Variants in MYO1H observed in about 807,000 individuals in gnomAD.
The protein encoded by MYO1H is unconventional myosin-Ih.
Under a neutral mutation model 149.3 loss-of-function variants are expected in MYO1H, and 118 were observed. That is an observed-to-expected ratio of 0.79 (90% confidence interval 0.68 to 0.92). The LOEUF (loss-of-function observed/expected upper bound fraction) is 0.92. Among genes scored for constraint, MYO1H ranks in the 40% least tolerant of loss-of-function variants. The pLI is 0.00. For synonymous variants in MYO1H, 447 were observed against 465.2 expected (o/e 0.96, Z 0.50); for missense variants, 1,212 against 1,280.7 (o/e 0.95, Z 0.82).
In MYO1H at chr12:109,387,903, G is replaced by A. The variant is rs139959537; in HGVS notation, c.13-780G>A. On this transcript the variant is annotated intron_variant, in intron 1 of 31. Transcript: ENST00000310903. Reference sequence around the variant, plus strand: ...CCTCCATGGTCTCCCATCCAGCAGCGCGGGTGCTCAGGAAGGTCATGCCTG... The same window carrying A: ...CCTCCATGGTCTCCCATCCAGCAGCACGGGTGCTCAGGAAGGTCATGCCTG... Among the ~76,000 whole-genome samples the A allele has an allele frequency of 1.5e-3, 221 of 152,272 alleles. 3 individuals carry two copies. Among genetic ancestry groups the A allele is most frequent in the African/African-American group, 4.3e-3 (177 of 41,570 alleles).
intron 1 of MYO1H, among the ~76,000 whole-genome samples, chr12:109,371,276 T>C (rs1868979201): frequency 6.8e-6 from 1 of 147,986 alleles, no homozygotes. Context: ...AGTACAGTGG[T>C]GCAGTTATGA....
At chr12:109,417,156 G>A (rs1417018233) in intron 15 of MYO1H, among the ~76,000 whole-genome samples, 1 of 152,136 alleles carries the variant, frequency 6.6e-6, no homozygotes, top group Non-Finnish European at 1.5e-5. Flanking sequence ...GGGTGACAGA[G>A]CAAGACTTCA....
intron 15 of MYO1H, 49 bp downstream of exon 15, chr12:109,415,669 G>C (rs1388346121): frequency 1.4e-6 from 2 of 1,379,592 alleles, no homozygotes; most frequent in Non-Finnish European, 9.8e-7. Flanking sequence ...GCCCAGCCTG[G>C]TGTCTTACAA....
chr12:109,435,394 A>C (rs1303937630), intron 21 of MYO1H, among the ~76,000 whole-genome samples: 2 of 152,222 alleles, frequency 1.3e-5, no homozygotes, highest in Non-Finnish European at 2.9e-5. Flanking sequence ...TAAAACCGTG[A>C]GAGACCAGCC....
At chr12:109,405,316 T>C (rs1030577464) in intron 7 of MYO1H, among the ~76,000 whole-genome samples, 1 of 152,190 alleles carries the variant, frequency 6.6e-6, no homozygotes, top group African/African-American at 2.4e-5. Flanking sequence ...TTATAAATTA[T>C]TTTTTCCTCT....
At chr12:109,443,722 C>T in intron 28 of MYO1H, 73 bp downstream of exon 28, 1 of 1,560,794 alleles carries the variant, frequency 6.4e-7, no homozygotes, top group East Asian at 2.3e-5. Flanking sequence ...AATGAAGCTC[C>T]CAAATGGGAA....
chr12:109,437,392 A>G (rs1871904783), intron 22 of MYO1H, among the ~76,000 whole-genome samples: 1 of 152,144 alleles, frequency 6.6e-6, no homozygotes, highest in South Asian at 2.1e-4. Flanking sequence ...TTGCACTCCA[A>G]ATTGATTTTG....
the MYO1H span, among the ~76,000 whole-genome samples, chr12:109,321,616 TC>T: frequency 6.6e-6 from 1 of 152,274 alleles, no homozygotes; most frequent in Middle Eastern, 3.4e-3. Context: ...GGTCAGGTGT[TC>T]ATATGACTGG....
chr12:109,432,937 G>A lies in MYO1H; in HGVS notation c.1990G>A (p.Gly664Arg), dbSNP rs144822082. ...CCCAGACACCTGGCCGCACTGGCAC[G>A]GGCCTCCAGCAGAGGGCGTGGAACG... The change falls in exon 20 of 32, where the codon GGG becomes AGG. Residue 664 changes from glycine to arginine, a missense_variant. Transcript: ENST00000310903. 1.2e-4 allele frequency: 201 copies of A among 1,614,000 alleles called. 1 individual carries two copies. The East Asian group carries it at 4.1e-3, about 33-fold the overall frequency.
chr12:109,401,142 G>C (rs548221505), exon 6 of MYO1H: 2 of 1,613,918 alleles, frequency 1.2e-6, no homozygotes, highest in South Asian at 2.2e-5. Context: ...GAGAAGTCCC[G>C]AGTTGTCTAC....
At chr12:109,371,817 C>T (rs1258844593) in intron 1 of MYO1H, among the ~76,000 whole-genome samples, 2 of 152,156 alleles carry the variant, frequency 1.3e-5, no homozygotes, top group African/African-American at 4.8e-5. Flanking sequence ...TCCACACTTA[C>T]TGAGAGTATG....
the MYO1H span, among the ~76,000 whole-genome samples, chr12:109,336,015 C>T: frequency 6.6e-6 from 1 of 152,092 alleles, no homozygotes; most frequent in East Asian, 1.9e-4. Context: ...GAGTCTTGCT[C>T]TGTTGCCCAG....
At chr12:109,447,161 G>A (rs1234575788) in exon 32 of MYO1H, 2 of 1,598,932 alleles carry the variant, frequency 1.3e-6, no homozygotes, top group Admixed American at 3.4e-5. Context: ...TCTCCCAGGT[G>A]TCAGTCCGGA....
exon 4 of MYO1H, chr12:109,396,463 G>A: frequency 3.7e-6 from 6 of 1,613,964 alleles, no homozygotes; most frequent in African/African-American, 1.3e-5. Flanking sequence ...TGGAGAGAGT[G>A]GGGCAGGGAA....
At chr12:109,374,442 G>T (rs1869050297) in intron 1 of MYO1H, among the ~76,000 whole-genome samples, 1 of 152,194 alleles carries the variant, frequency 6.6e-6, no homozygotes, top group South Asian at 2.1e-4. Flanking sequence ...TTGGGGCAGT[G>T]CCTGGCATAC....
At chr12:109,371,171 A>G (rs1393369761) in intron 1 of MYO1H, among the ~76,000 whole-genome samples, 1 of 148,638 alleles carries the variant, frequency 6.7e-6, no homozygotes, top group East Asian at 2.0e-4. Context: ...CTTTATAAGC[A>G]TCTATGTGTA....
chr12:109,327,864 A>C, the MYO1H span, among the ~76,000 whole-genome samples: 1 of 151,928 alleles, frequency 6.6e-6, no homozygotes, highest in Non-Finnish European at 1.5e-5. Context: ...CTCGTAACTT[A>C]ACAATAGCAT....
chr12:109,336,850 T>G, the MYO1H span, among the ~76,000 whole-genome samples: 1 of 152,160 alleles, frequency 6.6e-6, no homozygotes, highest in African/African-American at 2.4e-5. Flanking sequence ...CCGAACCAAT[T>G]GCCATTGTCA....
At chr12:109,384,238 G>T (rs751126285) in intron 1 of MYO1H, among the ~76,000 whole-genome samples, 1 of 152,082 alleles carries the variant, frequency 6.6e-6, no homozygotes, top group Non-Finnish European at 1.5e-5. Context: ...GTACCTGCTG[G>T]AACCCTGTAA....
Sources: allele counts gnomAD v4.1 joint callset (sites outside exome capture counted in the v4.1 genomes callset), GRCh38; gene constraint gnomAD v4.1.1; transcripts MANE v1.5; gene names NCBI Gene and HGNC (gene_info 2026-07-23, HGNC 2026-07-21).